CACNA1C: variants seen among roughly 807,000 people sequenced by gnomAD.
CACNA1C encodes the protein calcium voltage-gated channel subunit alpha1 C, also known as voltage-dependent L-type calcium channel subunit alpha-1C.
Under a neutral mutation model 229.0 loss-of-function variants are expected in CACNA1C, and 30 were observed. The observed-to-expected ratio is 0.13, with a 90% CI of 0.10 to 0.18. The LOEUF is 0.18. CACNA1C is among the 10% of genes least tolerant of loss of function. The probability of loss-of-function intolerance (pLI) is 1.00; values close to 1 mark genes in which losing one functional copy is unlikely to be tolerated. For missense variants in CACNA1C, 1,658 were observed against 2,845.0 expected (o/e 0.58, Z 9.49); for synonymous variants, 1,114 against 1,132.5 (o/e 0.98, Z 0.33).
chr12:2,610,188 T>C (rs1034048347), intron 27 of CACNA1C, among the ~76,000 whole-genome samples: 1 of 152,108 alleles, frequency 6.6e-6, no homozygotes, highest in Non-Finnish European at 1.5e-5. Context: ...GAAGCACAGC[T>C]GTCAGTCGGT....
intron 3 of CACNA1C, among the ~76,000 whole-genome samples, chr12:2,320,295 C>T (rs1036097807): frequency 6.6e-6 from 1 of 152,232 alleles, no homozygotes; most frequent in Non-Finnish European, 1.5e-5. Flanking sequence ...CCTGCAGTTC[C>T]ACCCTCTATA....
intron 3 of CACNA1C, among the ~76,000 whole-genome samples, chr12:2,155,765 A>C (rs2095522748): frequency 6.6e-6 from 1 of 152,204 alleles, no homozygotes; most frequent in Non-Finnish European, 1.5e-5. Context: ...CGGAGGTGGG[A>C]GGATGAGCCA....
chr12:2,252,447 C>T (rs2075920422), intron 3 of CACNA1C, among the ~76,000 whole-genome samples: 1 of 152,092 alleles, frequency 6.6e-6, no homozygotes, highest in African/African-American at 2.4e-5. Context: ...CTCTGGGAGG[C>T]CAACGTGCTG....
At position 2,067,330 on chromosome 12, in the gene CACNA1C, C is replaced by A. The variant is rs1440522176; in HGVS notation, c.49+13719C>A. On this transcript the variant is annotated intron_variant, in intron 1 of 46. Coordinates refer to ENST00000399655, the MANE Select transcript of CACNA1C (RefSeq NM_000719.7). The surrounding 1 kb of genome is among the most constrained non-coding windows in gnomAD (Gnocchi z 5.3). ...GGGCCCCTTGAGCTCTGAGTGGATG[C>A]ACAAAGGGCCAGGTGGACTTTCTTT... Among the ~76,000 whole-genome samples the A allele has an allele frequency of 6.6e-6, 1 of 152,040 alleles. No homozygotes were observed. Among genetic ancestry groups the A allele is most frequent in the Admixed American group, 6.6e-5 (1 of 15,266 alleles).
intron 3 of CACNA1C, among the ~76,000 whole-genome samples, chr12:2,255,047 G>A (rs1460832319): frequency 6.6e-6 from 1 of 152,178 alleles, no homozygotes; most frequent in Non-Finnish European, 1.5e-5. Context: ...CCCCTGTGAA[G>A]GGGCTGTGGC....
At chr12:2,450,446 C>T (rs578228950) in intron 4 of CACNA1C, among the ~76,000 whole-genome samples, 27 of 143,156 alleles carry the variant, frequency 1.9e-4, no homozygotes, top group African/African-American at 3.9e-4. Context: ...CCCAGCTACT[C>T]GGGAGGCTGA....
chr12:2,419,977 A>G (rs1012663825), intron 3 of CACNA1C, among the ~76,000 whole-genome samples: 4 of 152,058 alleles, frequency 2.6e-5, no homozygotes, highest in Non-Finnish European at 4.4e-5. Flanking sequence ...TTTGGCCCAC[A>G]TTGCACTTTC....
intron 1 of CACNA1C, among the ~76,000 whole-genome samples, chr12:2,109,449 C>T (rs2080738743): frequency 6.6e-6 from 1 of 152,204 alleles, no homozygotes; most frequent in African/African-American, 2.4e-5. Context: ...CATGCAAAGG[C>T]ACTGCGGCAG....
At chr12:2,357,877 A>G (rs1378352880) in intron 3 of CACNA1C, among the ~76,000 whole-genome samples, 2 of 151,182 alleles carry the variant, frequency 1.3e-5, no homozygotes, top group African/African-American at 2.4e-5. Flanking sequence ...AGCCTGAGGC[A>G]GGAGAATAGC....
At chr12:2,599,056 A>G (rs1191575801) in intron 21 of CACNA1C, among the ~76,000 whole-genome samples, 1 of 152,222 alleles carries the variant, frequency 6.6e-6, no homozygotes. Context: ...TCCCAGGACA[A>G]GAGACGCTCT....
At position 2,319,391 on chromosome 12, in the gene CACNA1C, A is replaced by G. The variant is rs1219100217; in HGVS notation, c.478-129585A>G. On this transcript the variant is annotated intron_variant, in intron 3 of 46. Coordinates refer to ENST00000399655, the MANE Select transcript of CACNA1C (RefSeq NM_000719.7). The surrounding 1 kb of genome is among the most constrained non-coding windows in gnomAD (Gnocchi z 4.0). Reference sequence around the variant, plus strand: ...GCAGCGTACCTGATGGGTGGCGTACATGGGCAGCGTACATGATGGCCAGTG... The same window carrying G: ...GCAGCGTACCTGATGGGTGGCGTACGTGGGCAGCGTACATGATGGCCAGTG... Among the ~76,000 whole-genome samples the G allele has an allele frequency of 6.6e-6, 1 of 152,040 alleles. No individual in the cohort carries two copies. The highest frequency in any genetic ancestry group is 1.9e-4 in the East Asian group (1 of 5,176).
intron 3 of CACNA1C, among the ~76,000 whole-genome samples, chr12:2,148,154 A>T (rs778320495): frequency 6.6e-6 from 1 of 151,376 alleles, no homozygotes; most frequent in South Asian, 2.1e-4. Flanking sequence ...AAGCCTAAAT[A>T]TATCACTCTG....
At chr12:2,349,411 G>T (rs1218440283) in intron 3 of CACNA1C, among the ~76,000 whole-genome samples, 2 of 151,842 alleles carry the variant, frequency 1.3e-5, no homozygotes, top group African/African-American at 4.8e-5. Flanking sequence ...TGGAATCATC[G>T]TTTTTTTTAA....
chr12:2,561,240 C>T (rs761829967), intron 11 of CACNA1C, among the ~76,000 whole-genome samples: 12 of 152,150 alleles, frequency 7.9e-5, no homozygotes, highest in South Asian at 2.1e-4. Context: ...ACAAATGAAA[C>T]GTAACTGACA....
Position 2,438,845 on chromosome 12 carries a change from C to G in CACNA1C, c.478-10131C>G, listed in dbSNP as rs2099185311. Reference sequence around the variant, plus strand: ...ATGGGGTGAGGCAGAAAGACAGGATCCTGTTCCCTGGGCCAGGTGTTGGTC... The same window carrying G: ...ATGGGGTGAGGCAGAAAGACAGGATGCTGTTCCCTGGGCCAGGTGTTGGTC... On this transcript the variant is annotated intron_variant, in intron 3 of 46. Coordinates refer to ENST00000399655, the MANE Select transcript of CACNA1C (RefSeq NM_000719.7). Among the ~76,000 whole-genome samples, 5 of 152,048 alleles carry G rather than the reference C, an allele frequency of 3.3e-5. No homozygotes were observed. In the South Asian group the frequency reaches 1.0e-3, roughly 32 times the overall value.
At chr12:2,507,196 G>A (rs758079924) in intron 8 of CACNA1C, among the ~76,000 whole-genome samples, 1 of 152,204 alleles carries the variant, frequency 6.6e-6, no homozygotes, top group Non-Finnish European at 1.5e-5. Flanking sequence ...TTCCTGACCT[G>A]TTCTGAGAGC....
In CACNA1C at chr12:2,153,136, T is replaced by A. The variant is rs77613784; in HGVS notation, c.477+32706T>A. 1.6e-4 allele frequency among the ~76,000 whole-genome samples: 25 copies of A among 152,288 alleles called. No individual in the cohort carries two copies. In the East Asian group the frequency reaches 3.3e-3, roughly 20 times the overall value. On this transcript the variant is annotated intron_variant, in intron 3 of 46. Transcript: ENST00000399655. Reference sequence around the variant, plus strand: ...TCAATTTTAATGACCCTTGAGCGAATGGAGCAGTTGATTTTCCTCTCAATC... The same window carrying A: ...TCAATTTTAATGACCCTTGAGCGAAAGGAGCAGTTGATTTTCCTCTCAATC...
intron 1 of CACNA1C, among the ~76,000 whole-genome samples, chr12:1,988,833 C>A (rs1016778907): frequency 1.3e-5 from 2 of 152,144 alleles, no homozygotes; most frequent in African/African-American, 4.8e-5. Flanking sequence ...TTTCCCAGAT[C>A]CTATGAATGT....
chr12:2,355,703 C>A (rs540290654), intron 3 of CACNA1C, among the ~76,000 whole-genome samples: 18 of 152,126 alleles, frequency 1.2e-4, no homozygotes, highest in Non-Finnish European at 1.8e-4. Context: ...GCAATGGGGG[C>A]GATTTTACCA....
Sources: allele counts gnomAD v4.1 joint callset (sites outside exome capture counted in the v4.1 genomes callset), GRCh38; gene constraint gnomAD v4.1.1; non-coding constraint Gnocchi (gnomAD v3.1); transcripts MANE v1.5; gene names NCBI Gene and HGNC (gene_info 2026-07-23, HGNC 2026-07-21).